The following PSD variants were observed in gnomAD, a reference collection of about 807,000 sequenced individuals.
PSD encodes the protein pleckstrin and Sec7 domain containing.
Under a neutral mutation model 91.6 loss-of-function variants are expected in PSD, and 32 were observed. That is an observed-to-expected ratio of 0.35 (90% CI 0.26 to 0.47). The LOEUF (loss-of-function observed/expected upper bound fraction) is 0.47. Among genes scored for constraint, PSD ranks in the 20% least tolerant of loss-of-function variants. The probability of loss-of-function intolerance (pLI) is 1.00; values close to 1 mark genes in which losing one functional copy is unlikely to be tolerated. For synonymous variants in PSD, 532 were observed against 569.3 expected (o/e 0.93, Z 0.93); for missense variants, 1,099 against 1,373.9 (o/e 0.80, Z 3.16).
At position 102,417,068 on chromosome 10, in the gene PSD, A is replaced by T; in HGVS notation, c.-30T>A. On this transcript the variant is annotated 5_prime_UTR_variant, in exon 2 of 17. Transcript: ENST00000020673. ...GGGCCGGGGGTCAGGCTGGGGGGGC[A>T]GGGATGGCGAGGCCAGGCGGGGAGT... 1 of 1,280,030 alleles carries T rather than the reference A, an allele frequency of 7.8e-7. No homozygotes were observed. Among genetic ancestry groups the T allele is most frequent in the Non-Finnish European group, 1.1e-6 (1 of 940,004 alleles). The allele number at this position is 1,280,030 out of a possible 1,614,324, so 79.3% of individuals were successfully genotyped here.
rs2061373667 is a variant in PSD, at chr10:102,407,298, G to A, written c.2092-32C>T. 10 of 1,485,974 alleles carry A rather than the reference G, an allele frequency of 6.7e-6. No homozygotes were observed. In the Admixed American group the frequency reaches 1.5e-4, roughly 23 times the overall value. The allele number at this position is 1,485,974 out of a possible 1,614,324, so 92.0% of individuals were successfully genotyped here. On this transcript the variant is annotated intron_variant, in intron 10 of 16. Coordinates refer to ENST00000020673, the MANE Select transcript of PSD (RefSeq NM_002779.5). ...GGTGGGGGGAACAAATTAGGGGGTTGTGGGTCAGTACCGCAGTGTCAGAGC... is the reference window on the plus strand; with the variant it reads ...GGTGGGGGGAACAAATTAGGGGGTTATGGGTCAGTACCGCAGTGTCAGAGC...
In PSD at chr10:102,407,274, G is replaced by A. The variant is rs754254079; in HGVS notation, c.2092-8C>T. On this transcript the variant is annotated splice_region_variant and splice_polypyrimidine_tract_variant and intron_variant, in intron 10 of 16. Transcript: ENST00000020673. ...GATGGAGCTGTACAAGGCCTGGGGG[G>A]TGGGGGGAACAAATTAGGGGGTTGT... 1.3e-6 allele frequency: 2 copies of A among 1,577,096 alleles called. No homozygotes were observed. The highest frequency in any genetic ancestry group is 2.7e-5 in the African/African-American group (2 of 73,490).
Position 102,414,275 on chromosome 10 carries a change from G to T in PSD, c.1125-78C>A. On this transcript the variant is annotated intron_variant, in intron 4 of 16. Transcript: ENST00000020673. This position sits in a 1 kb window ranked among gnomAD's most constrained non-coding sequence, Gnocchi z 5.6. ...CAGGATTTCACTGAACTCTCACACTGACTCTGCTAAGGGGATTATCATCCC... is the reference window on the plus strand; with the variant it reads ...CAGGATTTCACTGAACTCTCACACTTACTCTGCTAAGGGGATTATCATCCC... 7.6e-7 allele frequency: 1 copy of T among 1,312,422 alleles called. No individual in the cohort carries two copies. The highest frequency in any genetic ancestry group is 1.4e-5 in the South Asian group (1 of 73,112). 81.3% of individuals were successfully genotyped at this position (1,312,422 alleles called of 1,614,324 possible). A position where few individuals can be genotyped will look rare whatever the true frequency, so the allele number is the denominator to read the frequency against.
rs759222301 is a variant in PSD at position 102,405,517 on chromosome 10, G to A, written c.2155C>T (p.Arg719Cys). ...QWAIDEEELR[R>C]SLSELADPNP... ...GGGTCGGCCAACTCAGACAGAGAGC[G>A]TCTCAGCTCCTCCTCGTCTCTGCAG... is the stretch of plus-strand genomic sequence containing the variant. Residue 719 changes from arginine to cysteine, a missense_variant, in exon 12 of 17, where the codon CGC becomes TGC. Coordinates refer to ENST00000020673, the MANE Select transcript of PSD (RefSeq NM_002779.5). The surrounding 1 kb of genome is among the most constrained non-coding windows in gnomAD (Gnocchi z 5.4). The A allele has an allele frequency of 7.4e-6, 12 of 1,613,600 alleles. No individual in the cohort carries two copies. Among genetic ancestry groups the A allele is most frequent in the African/African-American group, 4.0e-5 (3 of 75,052 alleles).
intron 1 of PSD, among the ~76,000 whole-genome samples, chr10:102,417,607 G>A (rs1171966306): frequency 6.6e-6 from 1 of 152,112 alleles, no homozygotes; most frequent in Non-Finnish European, 1.5e-5. Context: ...ATATAGGGAT[G>A]CTGAAGGGCT....
In PSD at chr10:102,404,679, G is replaced by T; in HGVS notation, c.2604C>A (p.Ala868=). Reference sequence around the variant, plus strand: ...GGAAGGGGGGCGCAGAGAACATAGCGGCTACTACATTGATGCGAGTGATCC... The same window carrying T: ...GGAAGGGGGGCGCAGAGAACATAGCTGCTACTACATTGATGCGAGTGATCC... ...QSWITRINVV[A]AMFSAPPFPA... Residue 868 remains alanine (A), a synonymous_variant, in exon 15 of 17, where the codon GCC becomes GCA. Coordinates refer to ENST00000020673, the MANE Select transcript of PSD (RefSeq NM_002779.5). This position sits in a 1 kb window ranked among gnomAD's most constrained non-coding sequence, Gnocchi z 5.7. 11 of 1,608,176 alleles carry T rather than the reference G, an allele frequency of 6.8e-6. No individual in the cohort carries two copies. Among genetic ancestry groups the T allele is most frequent in the Non-Finnish European group, 9.3e-6 (11 of 1,176,824 alleles).
intron 8 of PSD, 135 bp from the exon 9 acceptor site, chr10:102,411,251 T>TC: frequency 1.4e-6 from 1 of 738,948 alleles, no homozygotes; most frequent in Non-Finnish European, 2.2e-6. Flanking sequence ...TAGTAAACCC[T>TC]CCCCACAAAG....
At position 102,410,204 on chromosome 10, in the gene PSD, A is replaced by G. The variant is rs2061410830; in HGVS notation, c.2091+654T>C. Among the ~76,000 whole-genome samples, 2 of 152,154 alleles carry G rather than the reference A, an allele frequency of 1.3e-5. No individual in the cohort carries two copies. The highest frequency in any genetic ancestry group is 4.8e-5 in the African/African-American group (2 of 41,428). On this transcript the variant is annotated intron_variant, in intron 10 of 16. Coordinates refer to ENST00000020673, the MANE Select transcript of PSD (RefSeq NM_002779.5). The surrounding 1 kb of genome is among the most constrained non-coding windows in gnomAD (Gnocchi z 6.0). ...TAGATAAACTACCACCAGATCAGGGAGAGGAGTGAACCCACTGGATGAGCC... is the reference window on the plus strand; with the variant it reads ...TAGATAAACTACCACCAGATCAGGGGGAGGAGTGAACCCACTGGATGAGCC...
chr10:102,412,647 C>T, intron 5 of PSD, 72 bp from the exon 6 acceptor site: 2 of 1,360,402 alleles, frequency 1.5e-6, no homozygotes, highest in South Asian at 1.3e-5. Flanking sequence ...CTTCTGCCTC[C>T]AGGCCCAGAA....
chr10:102,412,644 C>T, intron 5 of PSD, 69 bp from the exon 6 acceptor site: 1 of 1,383,026 alleles, frequency 7.2e-7, no homozygotes, highest in Non-Finnish European at 9.8e-7. Context: ...CTCCTTCTGC[C>T]TCCAGGCCCA....
intron 5 of PSD, 111 bp from the exon 6 acceptor site, chr10:102,412,686 A>T (rs2061436610): frequency 9.9e-6 from 9 of 906,444 alleles, no homozygotes; most frequent in Non-Finnish European, 1.5e-5. Context: ...GTGGAGGGAC[A>T]TGGGGAAAGC....
Position 102,402,680 on chromosome 10 carries a change from G to A in PSD, c.*520C>T, listed in dbSNP as rs552007666. The A allele has an allele frequency of 6.1e-6, 2 of 328,970 alleles. No individual in the cohort carries two copies. Among genetic ancestry groups the A allele is most frequent in the African/African-American group, 2.1e-5 (1 of 47,212 alleles). The allele number at this position is 328,970 out of a possible 1,614,324, so 20.4% of individuals were successfully genotyped here. On this transcript the variant is annotated 3_prime_UTR_variant, in exon 17 of 17. Coordinates refer to ENST00000020673, the MANE Select transcript of PSD (RefSeq NM_002779.5). Reference sequence around the variant, plus strand: ...TACAAAGGGCAAGGCCCACTGAAGCGGGGGAAAGCCAGGCCGTGCTGCCCC... The same window carrying A: ...TACAAAGGGCAAGGCCCACTGAAGCAGGGGAAAGCCAGGCCGTGCTGCCCC...
Position 102,416,120 on chromosome 10 carries a change from CT to C in PSD, c.655-2del. 3 of 1,610,386 alleles carry C rather than the reference CT, an allele frequency of 1.9e-6. No homozygotes were observed. Among genetic ancestry groups the C allele is most frequent in the Admixed American group, 1.7e-5 (1 of 59,778 alleles). ...CCCGGGGGGAGGACCAGGTATCCCC[CT>C]GAGCCAACGAGGGAGACACAGGCAC... On this transcript the variant is annotated splice_acceptor_variant, in intron 2 of 16. Coordinates refer to ENST00000020673, the MANE Select transcript of PSD (RefSeq NM_002779.5). LOFTEE classifies it high-confidence loss of function. The surrounding 1 kb of genome is among the most constrained non-coding windows in gnomAD (Gnocchi z 6.0).
At chr10:102,406,714 C>T (rs2061366051) in intron 11 of PSD, among the ~76,000 whole-genome samples, 1 of 152,164 alleles carries the variant, frequency 6.6e-6, no homozygotes, top group African/African-American at 2.4e-5. Flanking sequence ...ACCGTTTTAG[C>T]CAGGATGGTC....
chr10:102,416,186 G>T lies in PSD; in HGVS notation c.655-67C>A. The T allele has an allele frequency of 7.5e-7, 1 of 1,325,042 alleles. No homozygotes were observed. Among genetic ancestry groups the T allele is most frequent in the Non-Finnish European group, 1.1e-6 (1 of 944,462 alleles). The allele number at this position is 1,325,042 out of a possible 1,614,324, so 82.1% of individuals were successfully genotyped here. A position where few individuals can be genotyped will look rare whatever the true frequency, so the allele number is the denominator to read the frequency against. Reference sequence around the variant, plus strand: ...AGACATACAAGGACACAAGAATATGGGACAGAAACAGAAATTAAAACATGC... The same window carrying T: ...AGACATACAAGGACACAAGAATATGTGACAGAAACAGAAATTAAAACATGC... On this transcript the variant is annotated intron_variant, in intron 2 of 16. Transcript: ENST00000020673. The surrounding 1 kb of genome is among the most constrained non-coding windows in gnomAD (Gnocchi z 6.0).
chr10:102,407,493 T>C (rs1369819061), intron 10 of PSD, among the ~76,000 whole-genome samples: 5 of 151,996 alleles, frequency 3.3e-5, no homozygotes, highest in Admixed American at 6.5e-5. Context: ...CGTAGTAACA[T>C]GTGGGCACAG....
At chr10:102,406,508 CTTT>C (rs1192531225) in intron 11 of PSD, among the ~76,000 whole-genome samples, 3 of 140,066 alleles carry the variant, frequency 2.1e-5, no homozygotes, top group Admixed American at 7.2e-5. Context: ...TTTCTTTTTT[CTTT>C]TTTTTTTTTT....
chr10:102,408,781 A>T, intron 10 of PSD: 1 of 569,088 alleles, frequency 1.8e-6, no homozygotes, highest in Non-Finnish European at 2.2e-6. Context: ...GCTGCCCATG[A>T]CCTCTGTCCC....
In PSD at chr10:102,409,221, G is replaced by A. The variant is rs890881155; in HGVS notation, c.2091+1637C>T. On this transcript the variant is annotated intron_variant, in intron 10 of 16. Coordinates refer to ENST00000020673, the MANE Select transcript of PSD (RefSeq NM_002779.5). The surrounding 1 kb of genome is among the most constrained non-coding windows in gnomAD (Gnocchi z 5.7). ...GAGCGGCGCGGCCCGGCCCGAGCCG[G>A]CCCGGCTCTCACGGACGCACGGAGT... 9 of 983,354 alleles carry A rather than the reference G, an allele frequency of 9.2e-6. No homozygotes were observed. The highest frequency in any genetic ancestry group is 1.1e-5 in the Non-Finnish European group (9 of 829,178). 60.9% of individuals were successfully genotyped at this position (983,354 alleles called of 1,614,324 possible).
Sources: gnomAD v4.1 joint callset for allele counts (sites outside exome capture counted in the v4.1 genomes callset) on GRCh38, gnomAD v4.1.1 for gene constraint, Gnocchi (gnomAD v3.1) non-coding constraint, MANE v1.5 for transcripts, NCBI Gene and HGNC (gene_info 2026-07-23, HGNC 2026-07-21) for gene names.